Variants in NPIPB2 observed in about 807,000 individuals in gnomAD.
NPIPB2 encodes nuclear pore complex interacting protein family member B2.
NPIPB2 carries 27 observed loss-of-function variants against 30.8 expected under a neutral mutation model. That is an observed-to-expected ratio of 0.88 (90% CI 0.65 to 1.21). The LOEUF is 1.21. NPIPB2 is among the 50% of genes most tolerant of loss of function. NPIPB2 has a pLI of 0.00. For missense variants in NPIPB2, 440 were observed against 446.2 expected (o/e 0.99, Z 0.13); for synonymous variants, 147 against 162.0 (o/e 0.91, Z 0.70).
At chr16:11,970,502 T>C (rs62037668) in intron 1 of NPIPB2, among the ~76,000 whole-genome samples, 26,585 of 151,820 alleles carry the variant, frequency 0.18, 2,533 homozygotes, top group African/African-American at 0.23. Context: ...TGTGGGCCAC[T>C]GCACCTGGCC....
chr16:11,951,869 A>C (rs1030505392), intron 1 of NPIPB2, among the ~76,000 whole-genome samples: 65 of 146,484 alleles, frequency 4.4e-4, no homozygotes, highest in Non-Finnish European at 7.4e-4. Flanking sequence ...CTACTAAAAA[A>C]TACAAAGAGG....
At chr16:11,952,817 C>T (rs555522293) in intron 1 of NPIPB2, among the ~76,000 whole-genome samples, 2 of 152,076 alleles carry the variant, frequency 1.3e-5, no homozygotes, top group African/African-American at 2.4e-5. Context: ...CCACCCGCCT[C>T]GGCCTCCCAA....
At chr16:11,972,857 G>A (rs1306920501) in intron 1 of NPIPB2, among the ~76,000 whole-genome samples, 2 of 144,118 alleles carry the variant, frequency 1.4e-5, no homozygotes, top group African/African-American at 2.6e-5. Flanking sequence ...AGCGAGATTC[G>A]GACTCAAAAA....
chr16:11,941,176 G>C (rs141204750), intron 1 of NPIPB2: 87,754 of 1,425,792 alleles, frequency 0.062, 12,510 homozygotes, highest in African/African-American at 0.49. Flanking sequence ...CACACAGGTG[G>C]ACTGATGGCT....
upstream of NPIPB2, among the ~76,000 whole-genome samples, chr16:11,942,617 G>C (rs1231966780): frequency 2.0e-5 from 3 of 152,290 alleles, no homozygotes; most frequent in African/African-American, 7.2e-5. Context: ...TGGCCTCTCA[G>C]GGACGTCCAA....
intron 1 of NPIPB2, chr16:11,941,332 C>A (rs111374448): frequency 5.2e-5 from 25 of 484,688 alleles, no homozygotes; most frequent in Non-Finnish European, 7.4e-5. Context: ...AGGGACCGGG[C>A]CGGATCTGAG....
intron 1 of NPIPB2, among the ~76,000 whole-genome samples, chr16:11,952,736 T>C (rs1482706523): frequency 6.6e-6 from 1 of 151,978 alleles, no homozygotes; most frequent in Non-Finnish European, 1.5e-5. Flanking sequence ...GGCTAATTTT[T>C]GCATTTTTTA....
intron 1 of NPIPB2, among the ~76,000 whole-genome samples, chr16:11,960,890 A>C (rs1332562636): frequency 1.4e-5 from 2 of 147,536 alleles, no homozygotes; most frequent in East Asian, 2.0e-4. Context: ...TTTTTGAGAC[A>C]CGGTCTCACT....
intron 1 of NPIPB2, chr16:11,967,439 G>GT (rs1242296395): frequency 2.2e-6 from 2 of 926,148 alleles, no homozygotes; most frequent in Non-Finnish European, 3.2e-6. Flanking sequence ...GGGCAACACA[G>GT]TAAGACCCCA....
At chr16:11,939,377 C>CGGTGAAA (rs1246336972) in intron 1 of NPIPB2, among the ~76,000 whole-genome samples, 4 of 151,446 alleles carry the variant, frequency 2.6e-5, no homozygotes, top group Non-Finnish European at 5.9e-5. Flanking sequence ...CTAGCTAACA[C>CGGTGAAA]GGTGAAACCC....
At chr16:11,965,250 T>C in intron 1 of NPIPB2, 2 of 1,580,602 alleles carry the variant, frequency 1.3e-6, no homozygotes, top group Non-Finnish European at 1.7e-6. Flanking sequence ...GCATTTGCTC[T>C]GGAATTCTTG....
intron 1 of NPIPB2, chr16:11,956,081 T>C (rs886265648): frequency 6.6e-6 from 1 of 152,198 alleles, no homozygotes; most frequent in African/African-American, 2.4e-5. Flanking sequence ...CATGAATCTT[T>C]CCTCTGCGCC....
intron 4 of NPIPB2, among the ~76,000 whole-genome samples, chr16:11,931,450 G>A (rs946734697): frequency 2.0e-5 from 3 of 149,188 alleles, no homozygotes; most frequent in Admixed American, 6.7e-5. Flanking sequence ...AAACAGGGGC[G>A]AAAACACTTC....
At chr16:11,961,322 C>G (rs1270550875) in intron 1 of NPIPB2, among the ~76,000 whole-genome samples, 1 of 152,138 alleles carries the variant, frequency 6.6e-6, no homozygotes, top group East Asian at 1.9e-4. Flanking sequence ...CAGCCTCTCC[C>G]ACTTACCTCA....
chr16:11,961,060 A>G (rs1032125815), intron 1 of NPIPB2, among the ~76,000 whole-genome samples: 28 of 151,978 alleles, frequency 1.8e-4, no homozygotes, highest in Middle Eastern at 3.4e-3. Context: ...ACTGGGTTTC[A>G]CCATGTTGGC....
At chr16:11,931,626 C>T (rs2054791330) in intron 4 of NPIPB2, among the ~76,000 whole-genome samples, 1 of 150,044 alleles carries the variant, frequency 6.7e-6, no homozygotes, top group South Asian at 2.1e-4. Flanking sequence ...AATGAGAAGC[C>T]AGTGAGGACA....
At chr16:11,955,640 G>C (rs997232343) in intron 1 of NPIPB2, among the ~76,000 whole-genome samples, 4 of 151,110 alleles carry the variant, frequency 2.6e-5, no homozygotes, top group African/African-American at 9.7e-5. Flanking sequence ...AGAATTGCTT[G>C]AACCTGAGAG....
At chr16:11,955,217 C>T (rs1056484810) in intron 1 of NPIPB2, among the ~76,000 whole-genome samples, 21 of 151,332 alleles carry the variant, frequency 1.4e-4, no homozygotes, top group African/African-American at 3.9e-4. Flanking sequence ...AGCTGGCCGT[C>T]GTGGCACATG....
intron 1 of NPIPB2, chr16:11,963,771 C>G (rs2055171870): frequency 1.3e-5 from 2 of 148,472 alleles, no homozygotes; most frequent in South Asian, 4.3e-4. Context: ...CTTAGTGGCT[C>G]ACACCTGTAA....
Sources: allele counts gnomAD v4.1 joint callset (sites outside exome capture counted in the v4.1 genomes callset), GRCh38; gene constraint gnomAD v4.1.1; transcripts MANE v1.5; gene names NCBI Gene and HGNC (gene_info 2026-07-23, HGNC 2026-07-21).